CDADC1: variants seen among roughly 807,000 people sequenced by gnomAD.
The protein encoded by CDADC1 is dCTP deaminase.
In CDADC1, 39 loss-of-function variants were observed where a neutral mutation model predicts 54.9. That is an observed-to-expected ratio of 0.71 (90% CI 0.55 to 0.93). The LOEUF is 0.93. CDADC1 is among the 40% of genes least tolerant of loss of function. The pLI, the probability that CDADC1 is intolerant of heterozygous loss-of-function variation, is 0.00. For missense variants in CDADC1, 518 were observed against 618.8 expected, an observed-to-expected ratio of 0.84 and a Z score of 1.73; for synonymous variants, 186 against 204.0, an observed-to-expected ratio of 0.91 and a Z score of 0.75.
rs1024294025 is a variant in CDADC1 at position 49,293,254 on chromosome 13, A to G, written c.*1497A>G. The stretch of plus-strand genomic sequence containing the variant: ...ATGTACACCAAACATTTTATAAATC[A>G]ATCAGTAAATATTTTGTAAGACCCA... On this transcript the variant is annotated 3_prime_UTR_variant, in exon 10 of 10. Transcript: ENST00000251108. 6.6e-6 allele frequency: 1 copy of G among 152,288 alleles called. No individual in the cohort carries two copies. The highest frequency in any genetic ancestry group is 2.4e-5 in the African/African-American group (1 of 41,470). The allele number at this position is 152,288 out of a possible 1,614,324, so 9.4% of individuals were successfully genotyped here. A position where few individuals can be genotyped will look rare whatever the true frequency, so the allele number is the denominator to read the frequency against.
chr13:49,283,471 T>C (rs1317192450), intron 8 of CDADC1, among the ~76,000 whole-genome samples: 1 of 152,188 alleles, frequency 6.6e-6, no homozygotes, highest in Non-Finnish European at 1.5e-5. Flanking sequence ...TCTTCATTCC[T>C]CCTGAAGAGT....
chr13:49,259,277 C>A, intron 3 of CDADC1, 69 bp from the exon 4 acceptor site: 1 of 1,045,728 alleles, frequency 9.6e-7, no homozygotes, highest in South Asian at 2.0e-5. Context: ...ATTAATAATT[C>A]AAGTATAATC....
rs541883130 is a variant in CDADC1, at chr13:49,258,206, C to T, written c.253-1140C>T. Among the ~76,000 whole-genome samples, 15 of 152,290 alleles carry T rather than the reference C, an allele frequency of 9.8e-5. No homozygotes were observed. In the South Asian group the frequency reaches 1.4e-3, roughly 15 times the overall value. Reference sequence around the variant, plus strand: ...AAACTGAAACTTGACTAGTTAATATCGCTTTGGTCTGATCCTTAAAGTGAT... The same window carrying T: ...AAACTGAAACTTGACTAGTTAATATTGCTTTGGTCTGATCCTTAAAGTGAT... On this transcript the variant is annotated intron_variant, in intron 3 of 9. Coordinates refer to ENST00000251108, the MANE Select transcript of CDADC1 (RefSeq NM_030911.4).
At position 49,280,992 on chromosome 13, in the gene CDADC1, C is replaced by T. The variant is rs566735091; in HGVS notation, c.1410+294C>T. Among the ~76,000 whole-genome samples, 14 of 151,922 alleles carry T rather than the reference C, an allele frequency of 9.2e-5. No individual in the cohort carries two copies. The South Asian group carries it at 2.9e-3, about 32-fold the overall frequency. ...GGGATTACAGGCGCCGGCCACCACG[C>T]CTGGCTAATTTTTGTATTTTTAGTA... On this transcript the variant is annotated intron_variant, in intron 8 of 9. Coordinates refer to ENST00000251108, the MANE Select transcript of CDADC1 (RefSeq NM_030911.4).
intron 2 of CDADC1, among the ~76,000 whole-genome samples, chr13:49,251,359 G>C (rs2138190599): frequency 6.8e-6 from 1 of 147,028 alleles, no homozygotes; most frequent in Middle Eastern, 3.7e-3. Flanking sequence ...ATTGAGCTGA[G>C]ATCACGCCAC....
intron 4 of CDADC1, among the ~76,000 whole-genome samples, chr13:49,262,369 G>C (rs1312399158): frequency 6.6e-6 from 1 of 152,058 alleles, no homozygotes; most frequent in Non-Finnish European, 1.5e-5. Flanking sequence ...CTGGAGCCTA[G>C]GATGCAAAGG....
chr13:49,255,900 C>G lies in CDADC1; in HGVS notation c.239C>G (p.Thr80Ser). ...AATGAAGAGAGGACCAGAGTATCTACTGACAAAAGACAGGTAAATTTTTAT... is the reference window on the plus strand; with the variant it reads ...AATGAAGAGAGGACCAGAGTATCTAGTGACAAAAGACAGGTAAATTTTTAT... ...GDNEERTRVS[T>S]DKRQVKRTGL... The change falls in exon 3 of 10, where the codon ACT becomes AGT. Residue 80 changes from threonine (T) to serine (S), a missense_variant. By Grantham distance (58) the Thr-to-Ser change is moderately conservative. Transcript: ENST00000251108. The G allele has an allele frequency of 6.2e-7, 1 of 1,610,932 alleles. No homozygotes were observed. The highest frequency in any genetic ancestry group is 8.5e-7 in the Non-Finnish European group (1 of 1,179,056).
chr13:49,286,354 G>T, intron 9 of CDADC1, 72 bp downstream of exon 9: 1 of 1,117,170 alleles, frequency 9.0e-7, no homozygotes. Flanking sequence ...TAATGATCAG[G>T]TGATGAAAAT....
At chr13:49,260,245 C>G (rs1023054696) in intron 4 of CDADC1, among the ~76,000 whole-genome samples, 1 of 152,184 alleles carries the variant, frequency 6.6e-6, no homozygotes, top group Non-Finnish European at 1.5e-5. Context: ...ATGCTAACTG[C>G]TATAACAAAA....
intron 9 of CDADC1, among the ~76,000 whole-genome samples, chr13:49,289,856 G>A (rs754277729): frequency 6.6e-6 from 1 of 152,016 alleles, no homozygotes; most frequent in Non-Finnish European, 1.5e-5. Flanking sequence ...ACCAGCCTGG[G>A]CATCACAGCA....
intron 4 of CDADC1, among the ~76,000 whole-genome samples, chr13:49,261,040 A>G (rs1200406151): frequency 1.3e-5 from 2 of 152,212 alleles, no homozygotes; most frequent in African/African-American, 4.8e-5. Flanking sequence ...TTTGAAATGG[A>G]GAATTATTCT....
chr13:49,289,425 G>T (rs1359149698), intron 9 of CDADC1, among the ~76,000 whole-genome samples: 1 of 152,144 alleles, frequency 6.6e-6, no homozygotes, highest in Non-Finnish European at 1.5e-5. Context: ...ACCACGCCTG[G>T]CCTGAAATAG....
chr13:49,275,724 TATAGAGAGAGAGAGAGAGAGAGAGAG>T (rs1953107548), intron 6 of CDADC1, among the ~76,000 whole-genome samples: 20 of 15,444 alleles, frequency 1.3e-3, no homozygotes, highest in African/African-American at 1.6e-3. Flanking sequence ...TATATATATA[TATAGAGAGAGAGAGAGAGAGAGAGAG>T]AGAGAGAGAG....
chr13:49,292,893 G>T lies in CDADC1; in HGVS notation c.*1136G>T. ...TCCGCCACATCACACGGCCTCACTGGGCTTCCTACCAGTTTCTCAGAATTA... is the reference window on the plus strand; with the variant it reads ...TCCGCCACATCACACGGCCTCACTGTGCTTCCTACCAGTTTCTCAGAATTA... On this transcript the variant is annotated 3_prime_UTR_variant, in exon 10 of 10. Transcript: ENST00000251108. 1.3e-6 allele frequency: 1 copy of T among 744,586 alleles called. No individual in the cohort carries two copies. Among genetic ancestry groups the T allele is most frequent in the Non-Finnish European group, 1.9e-6 (1 of 528,314 alleles). The allele number at this position is 744,586 out of a possible 1,614,324, so 46.1% of individuals were successfully genotyped here. A position where few individuals can be genotyped will look rare whatever the true frequency, so the allele number is the denominator to read the frequency against.
At chr13:49,262,804 A>G (rs1952718236) in intron 4 of CDADC1, among the ~76,000 whole-genome samples, 1 of 152,158 alleles carries the variant, frequency 6.6e-6, no homozygotes, top group Admixed American at 6.5e-5. Context: ...CTGGGATTAC[A>G]GGCGTGAACC....
rs1953764351 is a variant in CDADC1 at position 49,293,381 on chromosome 13, G to A, written c.*1624G>A. 1 of 152,280 alleles carries A rather than the reference G, an allele frequency of 6.6e-6. No homozygotes were observed. The highest frequency in any genetic ancestry group is 6.5e-5 in the Admixed American group (1 of 15,304). The allele number at this position is 152,280 out of a possible 1,614,324, so 9.4% of individuals were successfully genotyped here. On this transcript the variant is annotated 3_prime_UTR_variant, in exon 10 of 10. Transcript: ENST00000251108. ...AGTGGGAAAAACTGTGATTAGAAAGGGAAAAATAGGCATTTCCACAGTACT... is the reference window on the plus strand; with the variant it reads ...AGTGGGAAAAACTGTGATTAGAAAGAGAAAAATAGGCATTTCCACAGTACT...
Position 49,280,548 on chromosome 13 carries a change from T to C in CDADC1, c.1260T>C (p.Phe420=). 6.9e-7 allele frequency: 1 copy of C among 1,457,844 alleles called. No homozygotes were observed. Among genetic ancestry groups the C allele is most frequent in the Non-Finnish European group, 9.1e-7 (1 of 1,099,892 alleles). 90.3% of individuals were successfully genotyped at this position (1,457,844 alleles called of 1,614,324 possible). Residue 420 remains phenylalanine, a synonymous_variant, in exon 8 of 10, where the codon TTT becomes TTC. Coordinates refer to ENST00000251108, the MANE Select transcript of CDADC1 (RefSeq NM_030911.4). ...AACCAGAAGAAAGAAGCATGATTTTTGTGACAAAGTGCCCATGTGATGAGT... is the reference window on the plus strand; with the variant it reads ...AACCAGAAGAAAGAAGCATGATTTTCGTGACAAAGTGCCCATGTGATGAGT... ...EIKPEERSMI[F]VTKCPCDECV... is the part of the protein sequence containing the mutation.
chr13:49,292,669 C>A lies in CDADC1; in HGVS notation c.*912C>A. ...ATACTGAAAGTCTTGAAAGTATGGT[C>A]ATTTCAGCTATTCCAGATTGCTGTC... On this transcript the variant is annotated 3_prime_UTR_variant, in exon 10 of 10. Transcript: ENST00000251108. 1 of 1,221,114 alleles carries A rather than the reference C, an allele frequency of 8.2e-7. No homozygotes were observed. Among genetic ancestry groups the A allele is most frequent in the East Asian group, 5.8e-5 (1 of 17,172 alleles). The allele number at this position is 1,221,114 out of a possible 1,614,324, so 75.6% of individuals were successfully genotyped here.
intron 4 of CDADC1, among the ~76,000 whole-genome samples, chr13:49,263,871 T>C (rs1952747011): frequency 6.6e-6 from 1 of 152,220 alleles, no homozygotes; most frequent in Non-Finnish European, 1.5e-5. Context: ...TTCTCTGATA[T>C]CTAATGACAA....
Sources: gnomAD v4.1 joint callset for allele counts (sites outside exome capture counted in the v4.1 genomes callset) on GRCh38, gnomAD v4.1.1 for gene constraint, MANE v1.5 for transcripts, NCBI Gene and HGNC (gene_info 2026-07-23, HGNC 2026-07-21) for gene names.